Variants in LRMDA observed in about 807,000 individuals in gnomAD.
The protein encoded by LRMDA is leucine rich melanocyte differentiation associated.
A neutral mutation model predicts 29.8 loss-of-function variants in LRMDA; 18 were observed. That is an observed-to-expected ratio of 0.60 (90% CI 0.42 to 0.90). The LOEUF is 0.90. Among genes scored for constraint, LRMDA ranks in the 40% least tolerant of loss-of-function variants. The pLI, the probability that LRMDA is intolerant of heterozygous loss-of-function variation, is 0.00. For missense variants in LRMDA, 273 were observed against 273.9 expected (o/e 1.00, Z 0.02); for synonymous variants, 125 against 109.4 (o/e 1.14, Z -0.89).
At chr10:75,896,702 G>T (rs1462223942) in intron 2 of LRMDA, among the ~76,000 whole-genome samples, 1 of 152,128 alleles carries the variant, frequency 6.6e-6, no homozygotes, top group Admixed American at 6.5e-5. Flanking sequence ...AATTTCGCTG[G>T]GCTGTGAATT....
At chr10:75,631,659 C>T (rs895443133) in intron 2 of LRMDA, among the ~76,000 whole-genome samples, 4 of 152,072 alleles carry the variant, frequency 2.6e-5, no homozygotes, top group East Asian at 1.9e-4. Context: ...CTTGGTGAGT[C>T]GGGGTGTAAT....
chr10:75,575,679 C>T (rs915157885), intron 2 of LRMDA, among the ~76,000 whole-genome samples: 1 of 152,098 alleles, frequency 6.6e-6, no homozygotes, highest in African/African-American at 2.4e-5. Flanking sequence ...CCTTGTTTGT[C>T]TCATTGGGAC....
chr10:76,412,347 A>G (rs1210517213), intron 6 of LRMDA, among the ~76,000 whole-genome samples: 3 of 152,186 alleles, frequency 2.0e-5, no homozygotes, highest in Non-Finnish European at 4.4e-5. Context: ...TTTCGGAAAG[A>G]TGGTGGACTC....
intron 5 of LRMDA, among the ~76,000 whole-genome samples, chr10:76,102,793 T>C (rs1201071910): frequency 1.3e-5 from 2 of 152,118 alleles, no homozygotes; most frequent in Non-Finnish European, 2.9e-5. Context: ...GCTGGGACTA[T>C]AGGTGTGCAC....
chr10:75,962,129 C>G (rs192414193), intron 2 of LRMDA, among the ~76,000 whole-genome samples: 1 of 152,318 alleles, frequency 6.6e-6, no homozygotes, highest in African/African-American at 2.4e-5. Context: ...AGGTTACATT[C>G]TGAGGTACCA....
chr10:76,448,884 G>C (rs1169152711), intron 6 of LRMDA, among the ~76,000 whole-genome samples: 1 of 151,868 alleles, frequency 6.6e-6, no homozygotes, highest in Non-Finnish European at 1.5e-5. Context: ...TATTCTGTAA[G>C]TCTTGATATG....
intron 5 of LRMDA, among the ~76,000 whole-genome samples, chr10:76,236,644 T>C (rs563472914): frequency 6.6e-6 from 1 of 152,288 alleles, no homozygotes; most frequent in East Asian, 1.9e-4. Context: ...GTCTCCTCGT[T>C]TAGTGGCCTA....
rs139728398 is a variant in LRMDA, at chr10:76,157,075, A to G, written c.516+98292A>G. ...AGGAGAATGAAGTGTCATGATCAAG[A>G]TCTGTTAAATCCTACATGGGGAAGA... On this transcript the variant is annotated intron_variant, in intron 5 of 6. Coordinates refer to ENST00000611255, the MANE Select transcript of LRMDA (RefSeq NM_001305581.2). Among the ~76,000 whole-genome samples, 261 of 152,300 alleles carry G rather than the reference A, an allele frequency of 1.7e-3. 1 individual carries two copies. The highest frequency in any genetic ancestry group is 3.1e-3 in the Non-Finnish European group (211 of 68,006).
chr10:76,375,905 T>G (rs374613249), intron 6 of LRMDA, among the ~76,000 whole-genome samples: 2 of 152,114 alleles, frequency 1.3e-5, no homozygotes, highest in South Asian at 4.1e-4. Context: ...TTGAAAGCAG[T>G]TTAAAGAACT....
intron 6 of LRMDA, among the ~76,000 whole-genome samples, chr10:76,386,348 A>G (rs1340083707): frequency 3.9e-5 from 6 of 152,240 alleles, no homozygotes; most frequent in East Asian, 1.9e-4. Flanking sequence ...TAGACCCTCT[A>G]TCTCTCAAAG....
chr10:75,441,916 T>G (rs1022295327), intron 2 of LRMDA, among the ~76,000 whole-genome samples: 2 of 152,234 alleles, frequency 1.3e-5, no homozygotes, highest in Admixed American at 1.3e-4. Context: ...GGCAAGGAGT[T>G]CTGTTTATTC....
chr10:75,554,625 TTAATC>T (rs976428615), intron 2 of LRMDA, among the ~76,000 whole-genome samples: 1 of 152,182 alleles, frequency 6.6e-6, no homozygotes. Context: ...AGACTTCAGT[TTAATC>T]TAAGAAAGAA....
At chr10:76,391,004 G>A (rs542835424) in intron 6 of LRMDA, among the ~76,000 whole-genome samples, 2 of 152,162 alleles carry the variant, frequency 1.3e-5, no homozygotes, top group African/African-American at 4.8e-5. Context: ...TAGAACCCAA[G>A]AACTTACCAT....
At chr10:76,301,058 G>GT (rs1204941393) in intron 5 of LRMDA, among the ~76,000 whole-genome samples, 3 of 151,788 alleles carry the variant, frequency 2.0e-5, no homozygotes, top group African/African-American at 2.4e-5. Flanking sequence ...CATGCTATTT[G>GT]TTTTTTTTCC....
chr10:75,758,511 C>A (rs1281158777), intron 2 of LRMDA, among the ~76,000 whole-genome samples: 1 of 152,224 alleles, frequency 6.6e-6, no homozygotes, highest in Non-Finnish European at 1.5e-5. Flanking sequence ...TAGAGCATTT[C>A]TACAGTCCGT....
intron 2 of LRMDA, among the ~76,000 whole-genome samples, chr10:75,795,192 G>T (rs570329489): frequency 2.0e-5 from 3 of 151,948 alleles, no homozygotes; most frequent in Non-Finnish European, 4.4e-5. Flanking sequence ...TCAGGAGTTC[G>T]AGACCAGCCT....
chr10:75,823,226 G>A (rs1195577160), intron 2 of LRMDA, among the ~76,000 whole-genome samples: 1 of 152,100 alleles, frequency 6.6e-6, no homozygotes, highest in African/African-American at 2.4e-5. Flanking sequence ...TCTGACAAAA[G>A]GCTAATATCC....
intron 5 of LRMDA, among the ~76,000 whole-genome samples, chr10:76,186,759 C>T (rs550022415): frequency 1.1e-4 from 16 of 152,308 alleles, no homozygotes; most frequent in African/African-American, 3.8e-4. Context: ...GACTCAGTCC[C>T]TGCCCTCATG....
intron 5 of LRMDA, among the ~76,000 whole-genome samples, chr10:76,060,383 C>T (rs1848685072): frequency 6.6e-6 from 1 of 152,122 alleles, no homozygotes; most frequent in African/African-American, 2.4e-5. Flanking sequence ...GCCCACCCCC[C>T]ATTCTTCTAA....
Sources: allele counts gnomAD v4.1 joint callset (sites outside exome capture counted in the v4.1 genomes callset), GRCh38; gene constraint gnomAD v4.1.1; transcripts MANE v1.5; gene names NCBI Gene and HGNC (gene_info 2026-07-23, HGNC 2026-07-21).